ELAVL2: variants seen among roughly 807,000 people sequenced by gnomAD.
ELAVL2 encodes ELAV like RNA binding protein 2, also known as ELAV-like protein 2.
ELAVL2 carries 4 observed loss-of-function variants against 34.6 expected under a neutral mutation model. The observed-to-expected ratio is 0.12, with a 90% confidence interval of 0.06 to 0.26. ELAVL2 has a LOEUF of 0.26. Ranked by LOEUF, ELAVL2 falls within the 10% of genes least tolerant of loss-of-function variation. ELAVL2 has a pLI of 1.00. For synonymous variants in ELAVL2, 193 were observed against 154.8 expected, an observed-to-expected ratio of 1.25 and a Z score of -1.83; for missense variants, 432 against 442.8, an observed-to-expected ratio of 0.98 and a Z score of 0.22.
At chr9:23,827,654 C>T (rs1226062851), upstream of ELAVL2, among the ~76,000 whole-genome samples, 1 of 151,864 alleles carries the variant, frequency 6.6e-6, no homozygotes, top group Non-Finnish European at 1.5e-5. Flanking sequence ...TTGAGAATGC[C>T]GGAAAAAGAA....
intron 1 of ELAVL2, among the ~76,000 whole-genome samples, chr9:23,779,680 G>T (rs1238525520): frequency 6.6e-6 from 1 of 151,886 alleles, no homozygotes; most frequent in African/African-American, 2.4e-5. Context: ...CCTGAACAAA[G>T]AGGAGGAGAC....
intron 2 of ELAVL2, among the ~76,000 whole-genome samples, chr9:23,743,406 T>G (rs1051150481): frequency 6.6e-6 from 1 of 152,152 alleles, no homozygotes; most frequent in East Asian, 1.9e-4. Context: ...CACGGATACT[T>G]TGAGGAAGAT....
At chr9:23,837,673 C>T in the ELAVL2 span, among the ~76,000 whole-genome samples, 4 of 152,124 alleles carry the variant, frequency 2.6e-5, no homozygotes, top group East Asian at 7.7e-4. Context: ...TAAGGTACTT[C>T]CAGATGTACA....
chr9:23,716,535 A>C (rs2042350426), intron 3 of ELAVL2, among the ~76,000 whole-genome samples: 1 of 152,170 alleles, frequency 6.6e-6, no homozygotes, highest in South Asian at 2.1e-4. Context: ...TTAAACTGTG[A>C]CTTTTTTCGT....
intron 1 of ELAVL2, chr9:23,779,211 AC>A (rs2058696424): frequency 1.0e-6 from 1 of 985,328 alleles, no homozygotes; most frequent in Non-Finnish European, 1.2e-6. Flanking sequence ...TGGGGAAGGA[AC>A]TGAAGGGTAA....
At chr9:23,769,966 C>T (rs1465324919) in intron 1 of ELAVL2, among the ~76,000 whole-genome samples, 2 of 152,124 alleles carry the variant, frequency 1.3e-5, no homozygotes, top group African/African-American at 2.4e-5. Flanking sequence ...AAGTCCATTA[C>T]AGGTATCCAG....
At chr9:23,717,129 A>C (rs967060567) in intron 3 of ELAVL2, among the ~76,000 whole-genome samples, 4 of 152,192 alleles carry the variant, frequency 2.6e-5, no homozygotes, top group African/African-American at 7.2e-5. Context: ...TTGTACTATA[A>C]CTAGAAGAAA....
At chr9:23,743,752 AT>A (rs1431703864) in intron 2 of ELAVL2, among the ~76,000 whole-genome samples, 1 of 152,194 alleles carries the variant, frequency 6.6e-6, no homozygotes, top group Admixed American at 6.5e-5. Context: ...GGTTAAAAAA[AT>A]CTTATTCAAC....
chr9:23,784,475 A>G (rs1361033371), intron 1 of ELAVL2, among the ~76,000 whole-genome samples: 1 of 152,168 alleles, frequency 6.6e-6, no homozygotes, highest in Non-Finnish European at 1.5e-5. Flanking sequence ...AAGGTAAAGG[A>G]TGGTGCCACA....
chr9:23,700,743 A>T (rs991235967), intron 5 of ELAVL2, among the ~76,000 whole-genome samples: 7 of 152,220 alleles, frequency 4.6e-5, no homozygotes, highest in Non-Finnish European at 8.8e-5. Context: ...ACAATTTTGA[A>T]AAGGAAGAGA....
At chr9:23,724,497 T>C (rs964405860) in intron 3 of ELAVL2, among the ~76,000 whole-genome samples, 1 of 152,134 alleles carries the variant, frequency 6.6e-6, no homozygotes, top group Non-Finnish European at 1.5e-5. Context: ...CTAGACCACA[T>C]TAGATGAGTA....
chr9:23,732,920 T>C (rs1459897553), intron 2 of ELAVL2, among the ~76,000 whole-genome samples: 1 of 151,980 alleles, frequency 6.6e-6, no homozygotes, highest in South Asian at 2.1e-4. Flanking sequence ...AAAAATAACA[T>C]GCTTACTGTT....
chr9:23,690,465 C>G lies in ELAVL2; in HGVS notation c.*2092G>C, dbSNP rs2032810439. 6.6e-6 allele frequency: 1 copy of G among 151,992 alleles called. No individual in the cohort carries two copies. The allele number at this position is 151,992 out of a possible 1,614,324, so 9.4% of individuals were successfully genotyped here. A position where few individuals can be genotyped will look rare whatever the true frequency, so the allele number is the denominator to read the frequency against. On this transcript the variant is annotated 3_prime_UTR_variant, in exon 7 of 7. Transcript: ENST00000397312. Reference sequence around the variant, plus strand: ...TTTAGTGTTTTTCTTTTTTTAAACGCAGAAGGTTAACTCTGGCAATCTAAA... The same window carrying G: ...TTTAGTGTTTTTCTTTTTTTAAACGGAGAAGGTTAACTCTGGCAATCTAAA...
chr9:23,801,008 G>A (rs538562682), intron 1 of ELAVL2, among the ~76,000 whole-genome samples: 1 of 151,436 alleles, frequency 6.6e-6, no homozygotes, highest in African/African-American at 2.4e-5. Flanking sequence ...TTACAGCTGG[G>A]CCCAGCAGAG....
At chr9:23,743,416 T>C (rs1390049723) in intron 2 of ELAVL2, among the ~76,000 whole-genome samples, 3 of 152,146 alleles carry the variant, frequency 2.0e-5, no homozygotes, top group African/African-American at 4.8e-5. Context: ...TTGAGGAAGA[T>C]TTTGCTAAAA....
At chr9:23,696,580 G>A (rs1050921519) in intron 5 of ELAVL2, among the ~76,000 whole-genome samples, 1 of 152,026 alleles carries the variant, frequency 6.6e-6, no homozygotes, top group African/African-American at 2.4e-5. Flanking sequence ...ACCATTCTCT[G>A]GCCCCAGCCT....
the ELAVL2 span, chr9:23,849,412 T>C: frequency 6.6e-6 from 1 of 152,180 alleles, no homozygotes; most frequent in African/African-American, 2.4e-5. Flanking sequence ...GCTTCAAATG[T>C]TGCTACCTGA....
intron 4 of ELAVL2, among the ~76,000 whole-genome samples, chr9:23,702,177 C>T (rs1441204264): frequency 1.3e-5 from 2 of 152,070 alleles, no homozygotes; most frequent in Non-Finnish European, 2.9e-5. Flanking sequence ...AAAAAAATGC[C>T]TGAAAATGCT....
Position 23,806,338 on chromosome 9 carries a change from T to G in ELAVL2, c.-16+19468A>C, listed in dbSNP as rs141470254. Reference sequence around the variant, plus strand: ...TTTTAAAGACATAGGACCTATTAGATTCAAGAAATCAGACTAGCCAGGTGA... The same window carrying G: ...TTTTAAAGACATAGGACCTATTAGAGTCAAGAAATCAGACTAGCCAGGTGA... On this transcript the variant is annotated intron_variant, in intron 1 of 6. Coordinates refer to ENST00000397312, the MANE Select transcript of ELAVL2 (RefSeq NM_004432.5). Among the ~76,000 whole-genome samples, 34 of 152,228 alleles carry G rather than the reference T, an allele frequency of 2.2e-4. No individual in the cohort carries two copies. In the East Asian group the frequency reaches 6.4e-3, roughly 29 times the overall value.
Sources: gnomAD v4.1 joint callset for allele counts (sites outside exome capture counted in the v4.1 genomes callset) on GRCh38, gnomAD v4.1.1 for gene constraint, MANE v1.5 for transcripts, NCBI Gene and HGNC (gene_info 2026-07-23, HGNC 2026-07-21) for gene names.